The following FCHO1 variants were observed in gnomAD, a reference collection of about 807,000 sequenced individuals.
The protein encoded by FCHO1 is FCH and mu domain containing endocytic adaptor 1, also known as F-BAR domain only protein 1.
Under a neutral mutation model 114.4 loss-of-function variants are expected in FCHO1, and 45 were observed. That is an observed-to-expected ratio of 0.39 (90% CI 0.31 to 0.50). The LOEUF (loss-of-function observed/expected upper bound fraction) is 0.50. FCHO1 is among the 20% of genes least tolerant of loss of function. FCHO1 has a pLI of 0.77. For missense variants in FCHO1, 1,042 were observed against 1,209.6 expected (o/e 0.86, Z 2.06); for synonymous variants, 480 against 488.9 (o/e 0.98, Z 0.24).
At position 17,776,618 on chromosome 19, in the gene FCHO1, A is replaced by G; in HGVS notation, c.1208-17A>G. On this transcript the variant is annotated splice_polypyrimidine_tract_variant and intron_variant, in intron 17 of 28. Coordinates refer to ENST00000596536, the MANE Select transcript of FCHO1 (RefSeq NM_015122.3). This position sits in a 1 kb window ranked among gnomAD's most constrained non-coding sequence, Gnocchi z 4.4. ...GGCAGGGTGACAAGAAGGCTGAAGG[A>G]GGTGCATCTCTTGTAGGGGACGCTG... 6.2e-7 allele frequency: 1 copy of G among 1,613,614 alleles called. No individual in the cohort carries two copies. Among genetic ancestry groups the G allele is most frequent in the Non-Finnish European group, 8.5e-7 (1 of 1,179,742 alleles).
intron 19 of FCHO1, 38 bp from the exon 20 acceptor site, chr19:17,778,571 G>T: frequency 6.7e-7 from 1 of 1,489,686 alleles, no homozygotes; most frequent in Non-Finnish European, 9.0e-7. Flanking sequence ...CTCTGAGTGG[G>T]CGAGGGTCGG....
upstream of FCHO1, among the ~76,000 whole-genome samples, chr19:17,749,089 T>C (rs909363711): frequency 6.6e-6 from 1 of 152,078 alleles, no homozygotes; most frequent in African/African-American, 2.4e-5. Flanking sequence ...GGTCTCACCA[T>C]TGGGGCCACT....
At chr19:17,770,347 T>G in intron 7 of FCHO1, 78 bp from the exon 8 acceptor site, 12 of 1,403,920 alleles carry the variant, frequency 8.5e-6, no homozygotes, top group South Asian at 1.4e-5. Context: ...AAAAAGACTG[T>G]GGAGCTGACA....
At chr19:17,749,263 A>G (rs1016437465), upstream of FCHO1, among the ~76,000 whole-genome samples, 2 of 152,240 alleles carry the variant, frequency 1.3e-5, no homozygotes, top group African/African-American at 4.8e-5. Flanking sequence ...TGACACCCCC[A>G]GGTTTGAATT....
In FCHO1 at chr19:17,788,360, A is replaced by AC; in HGVS notation, c.*59dup. 2 of 1,429,090 alleles carry AC rather than the reference A, an allele frequency of 1.4e-6. No individual in the cohort carries two copies. Among genetic ancestry groups the AC allele is most frequent in the Non-Finnish European group, 1.9e-6 (2 of 1,032,884 alleles). The allele number at this position is 1,429,090 out of a possible 1,614,324, so 88.5% of individuals were successfully genotyped here. A position where few individuals can be genotyped will look rare whatever the true frequency, so the allele number is the denominator to read the frequency against. Reference sequence around the variant, plus strand: ...CACTGCGCCCTGGTGCTGGCTGACCACCCCCTGCCCTCCTGCCGGACCCTG... The same window carrying AC: ...CACTGCGCCCTGGTGCTGGCTGACCACCCCCCTGCCCTCCTGCCGGACCCTG... On this transcript the variant is annotated 3_prime_UTR_variant, in exon 29 of 29. Transcript: ENST00000596536.
At position 17,788,407 on chromosome 19, in the gene FCHO1, C is replaced by G. The variant is rs2094109921; in HGVS notation, c.*101C>G. On this transcript the variant is annotated 3_prime_UTR_variant, in exon 29 of 29. Transcript: ENST00000596536. ...CCTGGGGCCTCCCACCCCAGCCTCC[C>G]TGAGGCCCATACTCCACGGAGAGGA... is the stretch of plus-strand genomic sequence containing the variant. 2 of 877,034 alleles carry G rather than the reference C, an allele frequency of 2.3e-6. No homozygotes were observed. The highest frequency in any genetic ancestry group is 3.7e-6 in the Non-Finnish European group (2 of 537,962). 54.3% of individuals were successfully genotyped at this position (877,034 alleles called of 1,614,324 possible).
rs568468929 is a variant in FCHO1 at position 17,781,737 on chromosome 19, G to A, written c.1854G>A (p.Val618=). 5.6e-6 allele frequency: 9 copies of A among 1,609,722 alleles called. No homozygotes were observed. The African/African-American group carries it at 1.1e-4, about 19-fold the overall frequency. ...GHGVSRGPSP[V]VLGSQDALPI... ...GAGTCTCCCGGGGTCCGAGCCCTGTGGTCCTGGGCTCCCAGGATGCCCTGC... is the reference window on the plus strand; with the variant it reads ...GAGTCTCCCGGGGTCCGAGCCCTGTAGTCCTGGGCTCCCAGGATGCCCTGC... The change falls in exon 23 of 29, where the codon GTG becomes GTA. Residue 618 remains valine, a synonymous_variant. Coordinates refer to ENST00000596536, the MANE Select transcript of FCHO1 (RefSeq NM_015122.3).
intron 7 of FCHO1, among the ~76,000 whole-genome samples, chr19:17,768,709 C>A (rs866760362): frequency 1.1e-3 from 116 of 109,552 alleles, no homozygotes; most frequent in Middle Eastern, 5.4e-3. Context: ...CAAAACAAGG[C>A]AAAAAAAAAA....
intron 4 of FCHO1, among the ~76,000 whole-genome samples, chr19:17,762,327 T>C (rs1467201919): frequency 6.6e-6 from 1 of 151,286 alleles, no homozygotes; most frequent in Non-Finnish European, 1.5e-5. Context: ...AGCCCTCTGG[T>C]TCAGCTTCTT....
chr19:17,781,584 CCTT>C, intron 22 of FCHO1, 45 bp downstream of exon 22: 1 of 1,602,318 alleles, frequency 6.2e-7, no homozygotes, highest in South Asian at 1.1e-5. Flanking sequence ...CTCAGTGTCA[CCTT>C]CTCTGGTCTG....
At chr19:17,755,538 C>T (rs2287861) in intron 4 of FCHO1, 179,992 of 205,784 alleles carry the variant, frequency 0.87, 79,613 homozygotes, top group Middle Eastern at 0.95. Flanking sequence ...AGCCAGGGAA[C>T]TTCCACCCCC....
chr19:17,772,823 T>A (rs1665475812), intron 11 of FCHO1, 82 bp downstream of exon 11: 4 of 934,266 alleles, frequency 4.3e-6, no homozygotes, highest in African/African-American at 3.4e-5. Context: ...AGCTAATTTT[T>A]TTTTTATTTT....
Position 17,776,073 on chromosome 19 carries a change from C to A in FCHO1, c.1094C>A (p.Pro365Gln). 6.2e-7 allele frequency: 1 copy of A among 1,611,548 alleles called. No individual in the cohort carries two copies. Among genetic ancestry groups the A allele is most frequent in the Non-Finnish European group, 8.5e-7 (1 of 1,179,948 alleles). ...TTCTATGTGCACATCAAGCCTGCCC[C>A]GGCCCGGGCTCCAGCCTGCAGCCCC... Reference protein sequence around the residue: ...RKFYVHIKPAPARAPACSPEA... With the variant: ...RKFYVHIKPAQARAPACSPEA... Residue 365 changes from proline to glutamine, a missense_variant, in exon 16 of 29, where the codon CCG (proline) becomes CAG (glutamine). Physicochemically the swap from Pro to Gln is moderately conservative, Grantham distance 76 (BLOSUM62 -1). Transcript: ENST00000596536. The surrounding 1 kb of genome is among the most constrained non-coding windows in gnomAD (Gnocchi z 4.4).
Position 17,776,066 on chromosome 19 carries a change from C to G in FCHO1, c.1087C>G (p.Pro363Ala), listed in dbSNP as rs367914289. Residue 363 changes from proline to alanine, a missense_variant, in exon 16 of 29, where the codon CCT becomes GCT. This residue lies in a region of FCHO1 where 450 missense variants were observed against 564.1 expected (regional missense o/e 0.80). Transcript: ENST00000596536. The surrounding 1 kb of genome is among the most constrained non-coding windows in gnomAD (Gnocchi z 4.4). Reference sequence around the variant, plus strand: ...CCGCAAGTTCTATGTGCACATCAAGCCTGCCCCGGCCCGGGCTCCAGCCTG... The same window carrying G: ...CCGCAAGTTCTATGTGCACATCAAGGCTGCCCCGGCCCGGGCTCCAGCCTG... Reference protein sequence around the residue: ...EPRKFYVHIKPAPARAPACSP... With the variant: ...EPRKFYVHIKAAPARAPACSP... The G allele has an allele frequency of 1.8e-5, 29 of 1,611,114 alleles. 1 individual carries two copies. Among genetic ancestry groups the G allele is most frequent in the South Asian group, 1.3e-4 (12 of 91,086 alleles).
rs745587581 is a variant in FCHO1, at chr19:17,770,550, G to A, written c.462G>A (p.Glu154=). ...RCMDQERLRR[E]STSQKEMDKA... ...TGGACCAGGAGCGGCTGCGGAGGGA[G>A]AGTACCAGCCAGAAGGAGATGGACA... Residue 154 remains glutamate (E), a synonymous_variant, in exon 8 of 29, where the codon GAG becomes GAA. Coordinates refer to ENST00000596536, the MANE Select transcript of FCHO1 (RefSeq NM_015122.3). The A allele has an allele frequency of 1.9e-6, 3 of 1,613,414 alleles. No individual in the cohort carries two copies. The highest frequency in any genetic ancestry group is 2.5e-6 in the Non-Finnish European group (3 of 1,179,484).
At chr19:17,767,563 T>TCAA (rs759888511) in intron 7 of FCHO1, among the ~76,000 whole-genome samples, 5,017 of 114,102 alleles carry the variant, frequency 0.044, 602 homozygotes, top group African/African-American at 0.16. Context: ...AAAGACTGTC[T>TCAA]AAAAAAAAAA....
chr19:17,763,737 T>G (rs2087485942), intron 5 of FCHO1, among the ~76,000 whole-genome samples: 1 of 151,598 alleles, frequency 6.6e-6, no homozygotes, highest in African/African-American at 2.4e-5. Context: ...TAAAAAAAAT[T>G]TTTTTTGTAG....
chr19:17,775,001 G>C lies in FCHO1; in HGVS notation c.921-55G>C. 6.2e-7 allele frequency: 1 copy of C among 1,605,348 alleles called. No individual in the cohort carries two copies. The highest frequency in any genetic ancestry group is 1.7e-5 in the Admixed American group (1 of 59,914). On this transcript the variant is annotated intron_variant, in intron 13 of 28. Coordinates refer to ENST00000596536, the MANE Select transcript of FCHO1 (RefSeq NM_015122.3). The surrounding 1 kb of genome is among the most constrained non-coding windows in gnomAD (Gnocchi z 5.1). Reference sequence around the variant, plus strand: ...CATGTCCAGTGTTGGGGGCTGACAGGGGGCACCAGATGGGCTGCGGAAGCT... The same window carrying C: ...CATGTCCAGTGTTGGGGGCTGACAGCGGGCACCAGATGGGCTGCGGAAGCT...
chr19:17,774,418 AGGCCTTTCGCCTTCCAG>A lies in FCHO1; in HGVS notation c.862_878del (p.Ala288ThrfsTer29). ...GCGATGAAACGTTTGCGGGGAGCCA[AGGCCTTTCGCCTTCCAG>A]GACTAAGCCGGCGGGAGCGGGAGCC... On this transcript the variant is annotated frameshift_variant, in exon 13 of 29. Coordinates refer to ENST00000596536, the MANE Select transcript of FCHO1 (RefSeq NM_015122.3). LOFTEE classifies it high-confidence loss of function. 1 of 1,613,958 alleles carries A rather than the reference AGGCCTTTCGCCTTCCAG, an allele frequency of 6.2e-7. No individual in the cohort carries two copies. The highest frequency in any genetic ancestry group is 8.5e-7 in the Non-Finnish European group (1 of 1,180,012).
Sources: gnomAD v4.1 joint callset for allele counts (sites outside exome capture counted in the v4.1 genomes callset) on GRCh38, gnomAD v4.1.1 for gene constraint, gnomAD v4.1.1 regional missense constraint, Gnocchi (gnomAD v3.1) non-coding constraint, MANE v1.5 for transcripts, NCBI Gene and HGNC (gene_info 2026-07-23, HGNC 2026-07-21) for gene names.